The following AIG1 variants were observed in gnomAD, a reference collection of about 807,000 sequenced individuals.
AIG1 encodes the protein androgen-induced gene 1 protein.
AIG1 carries 23 observed loss-of-function variants against 31.4 expected under a neutral mutation model. The ratio of observed to expected loss-of-function variants is 0.73; its 90% CI spans 0.53 to 1.04. The LOEUF is 1.04. Ranked by LOEUF, AIG1 falls within the 50% of genes least tolerant of loss-of-function variation. The probability of loss-of-function intolerance (pLI) is 0.00; values close to 1 mark genes in which losing one functional copy is unlikely to be tolerated. For missense variants in AIG1, 274 were observed against 295.0 expected, an observed-to-expected ratio of 0.93 and a Z score of 0.52; for synonymous variants, 100 against 110.5, an observed-to-expected ratio of 0.90 and a Z score of 0.60.
intron 2 of AIG1, among the ~76,000 whole-genome samples, chr6:143,144,947 A>G (rs1193411408): frequency 1.3e-5 from 2 of 152,218 alleles, no homozygotes; most frequent in East Asian, 3.8e-4. Flanking sequence ...TGGTTTAAGT[A>G]ATAAAGATAT....
Position 143,295,981 on chromosome 6 carries a change from G to A in AIG1, c.515+11756G>A, listed in dbSNP as rs114442520. On this transcript the variant is annotated intron_variant, in intron 4 of 5. Transcript: ENST00000357847. ...AAAATGCCACAGAAAATATTTCTAAGATAGACTTTAATAAGAGAAATTGCA... is the reference window on the plus strand; with the variant it reads ...AAAATGCCACAGAAAATATTTCTAAAATAGACTTTAATAAGAGAAATTGCA... 4.3e-3 allele frequency among the ~76,000 whole-genome samples: 658 copies of A among 152,174 alleles called. 5 individuals are homozygous for A. Among genetic ancestry groups the A allele is most frequent in the African/African-American group, 0.015 (635 of 41,516 alleles).
intron 2 of AIG1, among the ~76,000 whole-genome samples, chr6:143,160,501 T>C (rs750236133): frequency 6.6e-6 from 1 of 152,212 alleles, no homozygotes; most frequent in Non-Finnish European, 1.5e-5. Flanking sequence ...AAAGTGACTG[T>C]GCTCCTTCCA....
At chr6:143,202,130 T>C (rs1562485711) in intron 3 of AIG1, among the ~76,000 whole-genome samples, 1 of 152,206 alleles carries the variant, frequency 6.6e-6, no homozygotes, top group Non-Finnish European at 1.5e-5. Context: ...GAGAAACGAC[T>C]TCTGGATTTC....
chr6:143,283,639 C>T (rs1308956111), intron 3 of AIG1, among the ~76,000 whole-genome samples: 1 of 152,076 alleles, frequency 6.6e-6, no homozygotes, highest in Non-Finnish European at 1.5e-5. Flanking sequence ...TGGTCAAGAC[C>T]GATGTTCTGG....
chr6:143,080,124 C>G (rs1778090137), intron 1 of AIG1, among the ~76,000 whole-genome samples: 1 of 152,170 alleles, frequency 6.6e-6, no homozygotes, highest in Non-Finnish European at 1.5e-5. Context: ...AGTCCTGTCT[C>G]TCAGTCCCAC....
intron 3 of AIG1, among the ~76,000 whole-genome samples, chr6:143,276,016 C>G (rs946297534): frequency 6.6e-6 from 1 of 152,190 alleles, no homozygotes; most frequent in Admixed American, 6.5e-5. Context: ...AAATACACAC[C>G]GCACTGCAGC....
At position 143,280,516 on chromosome 6, in the gene AIG1, G is replaced by A. The variant is rs182049389; in HGVS notation, c.400-3594G>A. Among the ~76,000 whole-genome samples the A allele has an allele frequency of 1.3e-5, 2 of 152,296 alleles. No homozygotes were observed. The highest frequency in any genetic ancestry group is 1.9e-4 in the East Asian group (1 of 5,192). On this transcript the variant is annotated intron_variant, in intron 3 of 5. Transcript: ENST00000357847. This position sits in a 1 kb window ranked among gnomAD's most constrained non-coding sequence, Gnocchi z 4.1. ...ATTGGATAAGGAAAATGTGGTACCTGTACACCACAGAATACTATGCAGCCG... is the reference window on the plus strand; with the variant it reads ...ATTGGATAAGGAAAATGTGGTACCTATACACCACAGAATACTATGCAGCCG...
chr6:143,238,452 C>T (rs1186680022), intron 3 of AIG1, among the ~76,000 whole-genome samples: 2 of 152,178 alleles, frequency 1.3e-5, no homozygotes, highest in Non-Finnish European at 2.9e-5. Context: ...AAAGGGAGCC[C>T]TCCCCCAGCC....
rs181342562 is a variant in AIG1, at chr6:143,141,946, T to C, written c.297+4956T>C. ...AGCAAATAAATAAATAAATAAAATATATATATATATGAGTTTAATGACTAT... is the reference window on the plus strand; with the variant it reads ...AGCAAATAAATAAATAAATAAAATACATATATATATGAGTTTAATGACTAT... On this transcript the variant is annotated intron_variant, in intron 2 of 5. Coordinates refer to ENST00000357847, the MANE Select transcript of AIG1 (RefSeq NM_016108.4). 1.0e-3 allele frequency among the ~76,000 whole-genome samples: 157 copies of C among 151,936 alleles called. 1 individual carries two copies. The highest frequency in any genetic ancestry group is 3.7e-3 in the African/African-American group (153 of 41,506).
At chr6:143,149,253 G>T (rs1330367658) in intron 2 of AIG1, among the ~76,000 whole-genome samples, 2 of 152,126 alleles carry the variant, frequency 1.3e-5, no homozygotes, top group East Asian at 3.9e-4. Context: ...GAGGCTGGGT[G>T]CGGTGGCTTA....
intron 4 of AIG1, among the ~76,000 whole-genome samples, chr6:143,313,579 G>T (rs1176880373): frequency 6.6e-6 from 1 of 151,948 alleles, no homozygotes; most frequent in Non-Finnish European, 1.5e-5. Context: ...GGCAATGAGG[G>T]TTAAATGGGG....
chr6:143,205,296 C>G (rs78811074), intron 3 of AIG1, among the ~76,000 whole-genome samples: 2 of 152,206 alleles, frequency 1.3e-5, no homozygotes, highest in African/African-American at 2.4e-5. Context: ...CAATCCCCTT[C>G]TGGAGGAAAA....
In AIG1 at chr6:143,191,154, G is replaced by A. The variant is rs538959941; in HGVS notation, c.399+25971G>A. 4.2e-4 allele frequency among the ~76,000 whole-genome samples: 64 copies of A among 152,254 alleles called. 1 individual carries two copies. In the Middle Eastern group the frequency reaches 0.014, roughly 32 times the overall value. On this transcript the variant is annotated intron_variant, in intron 3 of 5. Coordinates refer to ENST00000357847, the MANE Select transcript of AIG1 (RefSeq NM_016108.4). ...AGCTGAATGGAGCTTATGGCAAAGA[G>A]ACAAACCTGAGTTAATCTGCATAAT...
At chr6:143,343,190 C>A (rs1416414139), downstream of AIG1, 1 of 713,704 alleles carries the variant, frequency 1.4e-6, no homozygotes, top group Admixed American at 1.8e-5. Context: ...AATCCATTAA[C>A]GCCACGGATA....
intron 3 of AIG1, chr6:143,188,090 A>C (rs1789437270): frequency 6.9e-6 from 7 of 1,021,468 alleles, no homozygotes; most frequent in Non-Finnish European, 8.2e-6. Context: ...TACAGTGATA[A>C]ATGGAGAGAC....
At chr6:143,323,509 A>G (rs751531891) in intron 4 of AIG1, among the ~76,000 whole-genome samples, 2 of 152,210 alleles carry the variant, frequency 1.3e-5, no homozygotes, top group African/African-American at 2.4e-5. Context: ...GACTTCTACA[A>G]TGATATTTGT....
At chr6:143,070,897 G>A (rs943579989) in intron 1 of AIG1, among the ~76,000 whole-genome samples, 1 of 152,210 alleles carries the variant, frequency 6.6e-6, no homozygotes, top group East Asian at 1.9e-4. Context: ...TGAGGTAATT[G>A]TAGATTCACT....
intron 3 of AIG1, among the ~76,000 whole-genome samples, chr6:143,200,727 C>T (rs1373789478): frequency 6.6e-6 from 1 of 152,140 alleles, no homozygotes; most frequent in Non-Finnish European, 1.5e-5. Flanking sequence ...TTCCTGGCCT[C>T]TGGTTTTGCT....
chr6:143,217,369 AG>A (rs539403158), intron 3 of AIG1, among the ~76,000 whole-genome samples: 312 of 152,390 alleles, frequency 2.0e-3, no homozygotes, highest in African/African-American at 7.3e-3. Flanking sequence ...TAAATTATTG[AG>A]GGATGGAAGT....
Sources: gnomAD v4.1 joint callset for allele counts (sites outside exome capture counted in the v4.1 genomes callset) on GRCh38, gnomAD v4.1.1 for gene constraint, Gnocchi (gnomAD v3.1) non-coding constraint, MANE v1.5 for transcripts, NCBI Gene and HGNC (gene_info 2026-07-23, HGNC 2026-07-21) for gene names.